SRRT: variants seen among roughly 807,000 people sequenced by gnomAD.
SRRT encodes the protein serrate, RNA effector molecule.
In SRRT, 32 loss-of-function variants were observed where a neutral mutation model predicts 103.2. The observed-to-expected ratio is 0.31, with a 90% CI of 0.23 to 0.42. The LOEUF (loss-of-function observed/expected upper bound fraction) is 0.42, where lower values mean the gene tolerates loss of function less well. Ranked by LOEUF, SRRT falls within the 10% of genes least tolerant of loss-of-function variation. The pLI, the probability that SRRT is intolerant of heterozygous loss-of-function variation, is 1.00. For synonymous variants in SRRT, 525 were observed against 449.0 expected, an observed-to-expected ratio of 1.17 and a Z score of -2.14; for missense variants, 986 against 1,207.5, an observed-to-expected ratio of 0.82 and a Z score of 2.72.
In SRRT at chr7:100,884,964, C is replaced by T. The variant is rs570385962; in HGVS notation, c.1083C>T (p.Ser361=). 1 of 1,614,040 alleles carries T rather than the reference C, an allele frequency of 6.2e-7. No individual in the cohort carries two copies. The highest frequency in any genetic ancestry group is 2.2e-5 in the East Asian group (1 of 44,872). ...KRNRKHSGDD[S]FDEGSVSESE... ...ACCGGAAGCACAGTGGTGACGACAG[C>T]TTTGACGAGGGCAGCGTGTCAGAGT... The change falls in exon 9 of 20, where the codon AGC becomes AGT. Residue 361 remains serine, a synonymous_variant. Transcript: ENST00000611405.
At position 100,882,282 on chromosome 7, in the gene SRRT, C is replaced by T. The variant is rs765073162; in HGVS notation, c.587+41C>T. 5 of 1,592,934 alleles carry T rather than the reference C, an allele frequency of 3.1e-6. No individual in the cohort carries two copies. Among genetic ancestry groups the T allele is most frequent in the Non-Finnish European group, 3.4e-6 (4 of 1,167,014 alleles). On this transcript the variant is annotated intron_variant, in intron 5 of 19. Transcript: ENST00000611405. This position sits in a 1 kb window ranked among gnomAD's most constrained non-coding sequence, Gnocchi z 4.2. The stretch of plus-strand genomic sequence containing the variant: ...TCCCTGGACCTCTGCCCTGGCATGT[C>T]CCCCTGGCCCCGCTGGTGGAGCCAC...
chr7:100,877,102 A>C (rs1050870977), intron 2 of SRRT, among the ~76,000 whole-genome samples: 1 of 151,948 alleles, frequency 6.6e-6, no homozygotes, highest in African/African-American at 2.4e-5. Flanking sequence ...TTTACCAAAC[A>C]TCAAGGCAGT....
intron 5 of SRRT, among the ~76,000 whole-genome samples, chr7:100,883,634 C>T (rs572682329): frequency 2.0e-5 from 3 of 152,244 alleles, no homozygotes; most frequent in Non-Finnish European, 2.9e-5. Context: ...AGGGAGTTGG[C>T]GGGAGCAGTT....
intron 12 of SRRT, 77 bp downstream of exon 12, chr7:100,886,018 C>T: frequency 6.6e-7 from 1 of 1,519,030 alleles, no homozygotes; most frequent in Non-Finnish European, 9.1e-7. Context: ...TGACTTTGTT[C>T]ATCTGATAGT....
At chr7:100,881,223 G>T in intron 2 of SRRT, 62 bp from the exon 3 acceptor site, 1 of 1,557,866 alleles carries the variant, frequency 6.4e-7, no homozygotes. Context: ...AAAAGTGCTT[G>T]GATTACAGGC....
rs113157606 is a variant in SRRT at position 100,877,524 on chromosome 7, A to T, written c.122+1812A>T. Among the ~76,000 whole-genome samples, 258 of 151,010 alleles carry T rather than the reference A, an allele frequency of 1.7e-3. 1 individual carries two copies. The highest frequency in any genetic ancestry group is 6.0e-3 in the African/African-American group (247 of 41,092). On this transcript the variant is annotated intron_variant, in intron 2 of 19. Transcript: ENST00000611405. ...GGACTCTTGACTGTACGTCTTTTTT[A>T]AAAAAATTTTTTTTTGACACAGAAT... is the stretch of plus-strand genomic sequence containing the variant.
chr7:100,887,471 C>G lies in SRRT; in HGVS notation c.2127C>G (p.Gly709=), dbSNP rs2115902203. 6.2e-7 allele frequency: 1 copy of G among 1,614,072 alleles called. No homozygotes were observed. Among genetic ancestry groups the G allele is most frequent in the East Asian group, 2.2e-5 (1 of 44,866 alleles). ...TCACCTCCAACACGCAGGAACTGGG[C>G]AAGGATAAGTGGCTGTGTCCTCTCA... The part of the protein sequence containing the change: ...KFVTSNTQEL[G]KDKWLCPLSG... The change falls in exon 16 of 20, where the codon GGC becomes GGG. Residue 709 remains glycine, a synonymous_variant. Coordinates refer to ENST00000611405, the MANE Select transcript of SRRT (RefSeq NM_015908.6). The surrounding 1 kb of genome is among the most constrained non-coding windows in gnomAD (Gnocchi z 4.1).
Position 100,887,495 on chromosome 7 carries a change from C to G in SRRT, c.2151C>G (p.Leu717=), listed in dbSNP as rs376598941. ...GCAAGGATAAGTGGCTGTGTCCTCT[C>G]AGTGGCAAGAAATTCAAGGTGTGGG... ...ELGKDKWLCP[L]SGKKFKGPEF... The change falls in exon 16 of 20, where the codon CTC becomes CTG. Residue 717 remains leucine (L), a synonymous_variant. Transcript: ENST00000611405. This position sits in a 1 kb window ranked among gnomAD's most constrained non-coding sequence, Gnocchi z 4.1. 19 of 1,613,912 alleles carry G rather than the reference C, an allele frequency of 1.2e-5. No homozygotes were observed. The highest frequency in any genetic ancestry group is 1.4e-5 in the Non-Finnish European group (17 of 1,179,968).
chr7:100,887,568 A>T lies in SRRT; in HGVS notation c.2169+55A>T, dbSNP rs1790259765. ...CGGTGGTGGGAGGTGGGGTTGAGAC[A>T]GGAAGCCCCCTGGGCAGGGGTGGGG... On this transcript the variant is annotated intron_variant, in intron 16 of 19. Coordinates refer to ENST00000611405, the MANE Select transcript of SRRT (RefSeq NM_015908.6). This position sits in a 1 kb window ranked among gnomAD's most constrained non-coding sequence, Gnocchi z 4.1. 6.3e-7 allele frequency: 1 copy of T among 1,595,378 alleles called. No homozygotes were observed. The highest frequency in any genetic ancestry group is 8.6e-7 in the Non-Finnish European group (1 of 1,168,544).
In SRRT at chr7:100,885,440, C is replaced by T. The variant is rs1584753258; in HGVS notation, c.1317+70C>T. The T allele has an allele frequency of 2.6e-6, 4 of 1,514,270 alleles. No homozygotes were observed. The highest frequency in any genetic ancestry group is 2.7e-6 in the Non-Finnish European group (3 of 1,118,632). The allele number at this position is 1,514,270 out of a possible 1,614,324, so 93.8% of individuals were successfully genotyped here. A position where few individuals can be genotyped will look rare whatever the true frequency, so the allele number is the denominator to read the frequency against. On this transcript the variant is annotated intron_variant, in intron 10 of 19. Coordinates refer to ENST00000611405, the MANE Select transcript of SRRT (RefSeq NM_015908.6). The surrounding 1 kb of genome is among the most constrained non-coding windows in gnomAD (Gnocchi z 4.8). ...GGAGGGTAGAGGGAAGGCAGTGGGG[C>T]CCTGCCTGTGACAGATGCCCCCGTT...
intron 13 of SRRT, 178 bp downstream of exon 13, chr7:100,886,613 A>G: frequency 1.1e-6 from 1 of 952,176 alleles, no homozygotes; most frequent in South Asian, 1.6e-5. Context: ...GGGGGATGCT[A>G]GTGATCATTT....
chr7:100,878,843 A>G (rs1377739261), intron 2 of SRRT, among the ~76,000 whole-genome samples: 3 of 152,162 alleles, frequency 2.0e-5, no homozygotes, highest in Non-Finnish European at 4.4e-5. Context: ...CTGGGACTAC[A>G]GGTGTATGCC....
In SRRT at chr7:100,888,281, C is replaced by T. The variant is rs146285121; in HGVS notation, c.2453C>T (p.Pro818Leu). Reference protein sequence around the residue: ...YGAGAVRPAVPTGGPPYPHAP... With the variant: ...YGAGAVRPAVLTGGPPYPHAP... Reference sequence around the variant, plus strand: ...GCTGGTGCTGTCCGCCCTGCAGTCCCCACAGGAGGCCCTCCATACCCCCAT... The same window carrying T: ...GCTGGTGCTGTCCGCCCTGCAGTCCTCACAGGAGGCCCTCCATACCCCCAT... The change falls in exon 19 of 20, where the codon CCC (proline) becomes CTC (leucine). Residue 818 changes from proline (P) to leucine (L), a missense_variant. Transcript: ENST00000611405. 12 of 1,612,250 alleles carry T rather than the reference C, an allele frequency of 7.4e-6. No individual in the cohort carries two copies. The highest frequency in any genetic ancestry group is 3.3e-4 in the Middle Eastern group (2 of 6,078).
In SRRT at chr7:100,882,331, C is replaced by T; in HGVS notation, c.587+90C>T. 6.9e-7 allele frequency: 1 copy of T among 1,453,566 alleles called. No individual in the cohort carries two copies. The highest frequency in any genetic ancestry group is 9.3e-7 in the Non-Finnish European group (1 of 1,071,754). The allele number at this position is 1,453,566 out of a possible 1,614,324, so 90.0% of individuals were successfully genotyped here. On this transcript the variant is annotated intron_variant, in intron 5 of 19. Coordinates refer to ENST00000611405, the MANE Select transcript of SRRT (RefSeq NM_015908.6). The surrounding 1 kb of genome is among the most constrained non-coding windows in gnomAD (Gnocchi z 4.2). ...ACAGCCCTGTCCTCTTCCCAGTTTT[C>T]CCTGTCCAGAACTTTCTGGGGGCGG...
In SRRT at chr7:100,875,680, T is replaced by G; in HGVS notation, c.90T>G (p.Asp30Glu). 6.2e-7 allele frequency: 1 copy of G among 1,614,114 alleles called. No homozygotes were observed. Among genetic ancestry groups the G allele is most frequent in the Non-Finnish European group, 8.5e-7 (1 of 1,179,970 alleles). Reference sequence around the variant, plus strand: ...ACTACGACCGTTCCCGCGAGAGAGATGAAAGACGTCGAGGGGACGATTGGA... The same window carrying G: ...ACTACGACCGTTCCCGCGAGAGAGAGGAAAGACGTCGAGGGGACGATTGGA... The part of the protein sequence containing the change: ...RSDYDRSRER[D>E]ERRRGDDWND... Residue 30 changes from aspartate (D) to glutamate (E), a missense_variant, in exon 2 of 20, where the codon GAT becomes GAG. By Grantham distance (45) the Asp-to-Glu change is conservative (BLOSUM62 2). Transcript: ENST00000611405.
chr7:100,888,287 G>T lies in SRRT; in HGVS notation c.2459G>T (p.Gly820Val). 1 of 1,612,760 alleles carries T rather than the reference G, an allele frequency of 6.2e-7. No homozygotes were observed. Among genetic ancestry groups the T allele is most frequent in the Non-Finnish European group, 8.5e-7 (1 of 1,178,910 alleles). Reference protein sequence around the residue: ...AGAVRPAVPTGGPPYPHAPYG... With the variant: ...AGAVRPAVPTVGPPYPHAPYG... Reference sequence around the variant, plus strand: ...GCTGTCCGCCCTGCAGTCCCCACAGGAGGCCCTCCATACCCCCATGCCCCG... The same window carrying T: ...GCTGTCCGCCCTGCAGTCCCCACAGTAGGCCCTCCATACCCCCATGCCCCG... The change falls in exon 19 of 20, where the codon GGA becomes GTA. Residue 820 changes from glycine to valine, a missense_variant. Gly to Val is a moderately radical substitution (Grantham distance 109). Transcript: ENST00000611405.
chr7:100,886,333 G>C lies in SRRT; in HGVS notation c.1545G>C (p.Gln515His). The C allele has an allele frequency of 1.2e-6, 2 of 1,613,866 alleles. No individual in the cohort carries two copies. Among genetic ancestry groups the C allele is most frequent in the South Asian group, 2.2e-5 (2 of 91,066 alleles). The change falls in exon 13 of 20, where the codon CAG becomes CAC. Residue 515 changes from glutamine (Q) to histidine (H), a missense_variant. By Grantham distance (24) the Gln-to-His change is conservative. Coordinates refer to ENST00000611405, the MANE Select transcript of SRRT (RefSeq NM_015908.6). Reference sequence around the variant, plus strand: ...TCAACGGCATCACCCAGCACAAGCAGATTGTGCGCAACGACATCAAGCTGG... The same window carrying C: ...TCAACGGCATCACCCAGCACAAGCACATTGTGCGCAACGACATCAAGCTGG... ...RNINGITQHK[Q>H]IVRNDIKLAA...
chr7:100,881,545 C>G (rs550100974), intron 3 of SRRT, 114 bp from the exon 4 acceptor site: 2 of 1,569,004 alleles, frequency 1.3e-6, no homozygotes, highest in Non-Finnish European at 8.6e-7. Context: ...GTTACTTTGT[C>G]CCTTGAAACC....
At chr7:100,878,360 C>T (rs1440880993) in intron 2 of SRRT, among the ~76,000 whole-genome samples, 3 of 151,752 alleles carry the variant, frequency 2.0e-5, no homozygotes, top group African/African-American at 7.3e-5. Context: ...CTAATGTGAG[C>T]TTGACAGCTT....
Sources: gnomAD v4.1 joint callset for allele counts (sites outside exome capture counted in the v4.1 genomes callset) on GRCh38, gnomAD v4.1.1 for gene constraint, Gnocchi (gnomAD v3.1) non-coding constraint, MANE v1.5 for transcripts, NCBI Gene and HGNC (gene_info 2026-07-23, HGNC 2026-07-21) for gene names.